LMBR1L: variants seen among roughly 807,000 people sequenced by gnomAD.
The protein encoded by LMBR1L is protein LMBR1L.
A neutral mutation model predicts 67.3 loss-of-function variants in LMBR1L; 47 were observed. The ratio of observed to expected loss-of-function variants is 0.70; its 90% CI spans 0.55 to 0.89. The LOEUF (loss-of-function observed/expected upper bound fraction) is 0.89. Ranked by LOEUF, LMBR1L falls within the 40% of genes least tolerant of loss-of-function variation. The pLI is 0.00. For missense variants in LMBR1L, 533 were observed against 599.2 expected, an observed-to-expected ratio of 0.89 and a Z score of 1.15; for synonymous variants, 247 against 250.3, an observed-to-expected ratio of 0.99 and a Z score of 0.13.
chr12:49,097,649 T>A lies in LMBR1L; in HGVS notation c.*23A>T. The A allele has an allele frequency of 6.2e-7, 1 of 1,612,108 alleles. No homozygotes were observed. ...CAGCAGATGGCAGTGTCCAGTTTTTTCCTTCCCACCCCCAGCTGGAGGTCA... is the reference window on the plus strand; with the variant it reads ...CAGCAGATGGCAGTGTCCAGTTTTTACCTTCCCACCCCCAGCTGGAGGTCA... On this transcript the variant is annotated 3_prime_UTR_variant, in exon 17 of 17. Coordinates refer to ENST00000267102, the MANE Select transcript of LMBR1L (RefSeq NM_018113.4).
At chr12:49,109,570 TTC>T (rs1279211502) in intron 1 of LMBR1L, among the ~76,000 whole-genome samples, 4 of 152,214 alleles carry the variant, frequency 2.6e-5, no homozygotes, top group Admixed American at 6.5e-5. Context: ...TAACATTTCT[TTC>T]TGTTTTTCCA....
intron 6 of LMBR1L, 114 bp downstream of exon 6, chr12:49,103,573 G>T: frequency 7.5e-7 from 1 of 1,339,426 alleles, no homozygotes; most frequent in Non-Finnish European, 1.0e-6. Context: ...TGAAACTTCA[G>T]TCTAAGGGAG....
At chr12:49,110,278 G>A (rs1029099765) in intron 1 of LMBR1L, 3 of 602,514 alleles carry the variant, frequency 5.0e-6, no homozygotes, top group South Asian at 1.9e-5. Flanking sequence ...CGGAAACGAC[G>A]GCCTTTGTTT....
chr12:49,104,178 C>T lies in LMBR1L; in HGVS notation c.435+270G>A, dbSNP rs1940585985. On this transcript the variant is annotated intron_variant, in intron 5 of 16. Coordinates refer to ENST00000267102, the MANE Select transcript of LMBR1L (RefSeq NM_018113.4). The stretch of plus-strand genomic sequence containing the variant: ...TTCCTGTGAGTCCTCCCACGTCTGC[C>T]ACCATGGTTTTGGCAGTGATTATGA... 6 of 502,036 alleles carry T rather than the reference C, an allele frequency of 1.2e-5. No individual in the cohort carries two copies. The East Asian group carries it at 2.0e-4, about 17-fold the overall frequency. The allele number at this position is 502,036 out of a possible 1,614,324, so 31.1% of individuals were successfully genotyped here.
At position 49,103,756 on chromosome 12, in the gene LMBR1L, C is replaced by A. The variant is rs1234153370; in HGVS notation, c.493G>T (p.Val165Leu). Residue 165 changes from valine (V) to leucine (L), a missense_variant, in exon 6 of 17, where the codon GTG becomes TTG. By Grantham distance (32) the Val-to-Leu change is conservative. Transcript: ENST00000267102. ...VVMLMLLTLL[V>L]LGMVWVASAI... is the part of the protein sequence containing the mutation. Reference sequence around the variant, plus strand: ...GATGCCACCCACACCATACCTAGCACCAGCAGAGTGAGGAGCATCAACATC... The same window carrying A: ...GATGCCACCCACACCATACCTAGCAACAGCAGAGTGAGGAGCATCAACATC... The A allele has an allele frequency of 6.2e-7, 1 of 1,614,110 alleles. No individual in the cohort carries two copies. The highest frequency in any genetic ancestry group is 8.5e-7 in the Non-Finnish European group (1 of 1,180,004).
chr12:49,105,030 G>T, intron 3 of LMBR1L, 145 bp from the exon 4 acceptor site: 1 of 904,790 alleles, frequency 1.1e-6, no homozygotes, highest in Non-Finnish European at 1.6e-6. Flanking sequence ...GTCCAGCTGG[G>T]GTTCTACCCA....
chr12:49,098,130 A>C (rs774025868), intron 15 of LMBR1L, 25 bp from the exon 16 acceptor site: 2 of 1,598,480 alleles, frequency 1.3e-6, no homozygotes, highest in Admixed American at 3.4e-5. Context: ...CCAGGATGAG[A>C]GGTGGGCTCC....
chr12:49,110,409 G>A, intron 1 of LMBR1L, 75 bp downstream of exon 1: 2 of 1,416,280 alleles, frequency 1.4e-6, no homozygotes. Context: ...GGCACTCTGA[G>A]ACCAGGTGGG....
At chr12:49,098,224 T>C (rs1194106031) in intron 15 of LMBR1L, 119 bp from the exon 16 acceptor site, 30 of 1,057,402 alleles carry the variant, frequency 2.8e-5, no homozygotes, top group Non-Finnish European at 3.9e-5. Context: ...GGTTGGCCTC[T>C]CCCAATTCTA....
Position 49,098,118 on chromosome 12 carries a change from G to A in LMBR1L, c.1241-13C>T, listed in dbSNP as rs768297304. 5.6e-6 allele frequency: 9 copies of A among 1,606,058 alleles called. No homozygotes were observed. Among genetic ancestry groups the A allele is most frequent in the African/African-American group, 1.3e-5 (1 of 74,810 alleles). ...AAGCGAGTGAGCCCTGAAGCACAAA[G>A]GCCAGGATGAGAGGTGGGCTCCCCA... On this transcript the variant is annotated splice_polypyrimidine_tract_variant and intron_variant, in intron 15 of 16. Transcript: ENST00000267102.
rs563159867 is a variant in LMBR1L at position 49,103,852 on chromosome 12, G to C, written c.436-39C>G. The C allele has an allele frequency of 9.5e-6, 15 of 1,580,268 alleles. 1 individual carries two copies. In the South Asian group the frequency reaches 1.5e-4, roughly 16 times the overall value. ...CAACCAGTGAAGAAGGTTAACATCA[G>C]GGCAGTGTGGGAACATTGGAGATGG... On this transcript the variant is annotated intron_variant, in intron 5 of 16. Coordinates refer to ENST00000267102, the MANE Select transcript of LMBR1L (RefSeq NM_018113.4).
chr12:49,110,551 T>G lies in LMBR1L; in HGVS notation c.5A>C (p.Glu2Ala). MEAPDYEVLSVR... is the reference protein window; with the variant it reads MAAPDYEVLSVR... ...GGATAGCACTTCGTAGTCAGGTGCT[T>G]CCATACTCTGCTCAGCATGACTGAA... Residue 2 changes from glutamate to alanine, a missense_variant, in exon 1 of 17, where the codon GAA becomes GCA. Transcript: ENST00000267102. 1.2e-6 allele frequency: 2 copies of G among 1,613,770 alleles called. No individual in the cohort carries two copies. Among genetic ancestry groups the G allele is most frequent in the South Asian group, 2.2e-5 (2 of 91,066 alleles).
At chr12:49,106,647 T>G (rs1376178919) in intron 2 of LMBR1L, 3 of 1,361,490 alleles carry the variant, frequency 2.2e-6, no homozygotes, top group Non-Finnish European at 2.9e-6. Context: ...ATCCAGCAGT[T>G]GCTCACTTCA....
chr12:49,104,552 C>G lies in LMBR1L; in HGVS notation c.332-1G>C. The G allele has an allele frequency of 6.2e-7, 1 of 1,611,760 alleles. No individual in the cohort carries two copies. The highest frequency in any genetic ancestry group is 8.5e-7 in the Non-Finnish European group (1 of 1,178,232). On this transcript the variant is annotated splice_acceptor_variant, in intron 4 of 16. Coordinates refer to ENST00000267102, the MANE Select transcript of LMBR1L (RefSeq NM_018113.4). LOFTEE classifies it high-confidence loss of function. ...AAGAGAAAAACAAGGTTCCAGAGGC[C>G]TAGAGCAAAAAAGGAAGAGCAGAAG...
At chr12:49,106,028 C>G (rs1200997123) in intron 2 of LMBR1L, 71 bp from the exon 3 acceptor site, 1 of 1,324,926 alleles carries the variant, frequency 7.5e-7, no homozygotes, top group African/African-American at 1.5e-5. Context: ...GTTAGTATTA[C>G]AATGTGCTCC....
At position 49,103,138 on chromosome 12, in the gene LMBR1L, G is replaced by C; in HGVS notation, c.584C>G (p.Pro195Arg). Reference protein sequence around the residue: ...SLYDFWEYYLPYLYSCISFLG... With the variant: ...SLYDFWEYYLRYLYSCISFLG... ...GAAGGAGATGCATGAGTAGAGGTAG[G>C]GGAGATAGTACTCCCAAAAGTCTAA... Residue 195 changes from proline (P) to arginine (R), a missense_variant, in exon 7 of 17, where the codon CCC becomes CGC. By Grantham distance (103) the Pro-to-Arg change is moderately radical (BLOSUM62 -2). This residue lies in a region of LMBR1L where 246 missense variants were observed against 249.0 expected (regional missense o/e 0.99). Transcript: ENST00000267102. The C allele has an allele frequency of 6.2e-7, 1 of 1,613,986 alleles. No homozygotes were observed. The highest frequency in any genetic ancestry group is 8.5e-7 in the Non-Finnish European group (1 of 1,179,908).
chr12:49,104,713 C>G (rs1386871927), intron 4 of LMBR1L, 33 bp downstream of exon 4: 4 of 1,611,960 alleles, frequency 2.5e-6, no homozygotes, highest in African/African-American at 2.7e-5. Context: ...TGCTCCCTAT[C>G]CCTACCCCAA....
rs766066939 is a variant in LMBR1L at position 49,104,898 on chromosome 12, G to A, written c.192-13C>T. 6.2e-6 allele frequency: 10 copies of A among 1,606,072 alleles called. No homozygotes were observed. In the South Asian group the frequency reaches 7.8e-5, roughly 13 times the overall value. ...GCACAGCTCGAGCCTGGGCAGAGAA[G>A]GGGACAGTGTCCTTGCTTAGCTCAG... is the stretch of plus-strand genomic sequence containing the variant. On this transcript the variant is annotated splice_polypyrimidine_tract_variant and intron_variant, in intron 3 of 16. Transcript: ENST00000267102.
chr12:49,100,528 G>C (rs1940016324), intron 14 of LMBR1L, 28 bp downstream of exon 14: 1 of 1,611,712 alleles, frequency 6.2e-7, no homozygotes, highest in East Asian at 2.2e-5. Flanking sequence ...ACACCCCCCG[G>C]GAGCTTCCCT....
Sources: allele counts gnomAD v4.1 joint callset (sites outside exome capture counted in the v4.1 genomes callset), GRCh38; gene constraint gnomAD v4.1.1; regional missense constraint gnomAD v4.1.1; transcripts MANE v1.5; gene names NCBI Gene and HGNC (gene_info 2026-07-23, HGNC 2026-07-21).